CLSTN2: variants seen among roughly 807,000 people sequenced by gnomAD.
CLSTN2 encodes calsyntenin-2.
Under a neutral mutation model 101.2 loss-of-function variants are expected in CLSTN2, and 48 were observed. The observed-to-expected ratio is 0.47, with a 90% CI of 0.38 to 0.60. The LOEUF (loss-of-function observed/expected upper bound fraction) is 0.60, where lower values mean the gene tolerates loss of function less well. Among genes scored for constraint, CLSTN2 ranks in the 20% least tolerant of loss-of-function variants. The probability of loss-of-function intolerance (pLI) is 0.00; values close to 1 mark genes in which losing one functional copy is unlikely to be tolerated. For synonymous variants in CLSTN2, 481 were observed against 463.6 expected (o/e 1.04, Z -0.48); for missense variants, 1,160 against 1,238.2 (o/e 0.94, Z 0.95).
chr3:140,151,425 T>A (rs2009863799), intron 1 of CLSTN2, among the ~76,000 whole-genome samples: 1 of 151,848 alleles, frequency 6.6e-6, no homozygotes, highest in African/African-American at 2.4e-5. Flanking sequence ...CAGAAAAGAT[T>A]AGGCAATAAG....
At chr3:140,013,070 G>T (rs2007120814) in intron 1 of CLSTN2, among the ~76,000 whole-genome samples, 1 of 152,214 alleles carries the variant, frequency 6.6e-6, no homozygotes, top group African/African-American at 2.4e-5. Flanking sequence ...CTGCTCAATG[G>T]ATGGATGAGC....
intron 2 of CLSTN2, among the ~76,000 whole-genome samples, chr3:140,305,423 G>A (rs2087104135): frequency 6.6e-6 from 1 of 152,082 alleles, no homozygotes; most frequent in African/African-American, 2.4e-5. Flanking sequence ...TGGGGGTAAA[G>A]GCATTTCAAA....
chr3:140,244,373 A>G (rs1421479622), intron 2 of CLSTN2, among the ~76,000 whole-genome samples: 1 of 152,190 alleles, frequency 6.6e-6, no homozygotes, highest in Non-Finnish European at 1.5e-5. Flanking sequence ...ATTATGTAGT[A>G]TGGGACCCAC....
At chr3:140,315,561 C>T (rs2087220025) in intron 2 of CLSTN2, among the ~76,000 whole-genome samples, 1 of 152,154 alleles carries the variant, frequency 6.6e-6, no homozygotes, top group South Asian at 2.1e-4. Flanking sequence ...TTCTGCCTTC[C>T]ACGTGGGCCA....
At chr3:140,079,001 T>A (rs931850867) in intron 1 of CLSTN2, among the ~76,000 whole-genome samples, 4 of 152,200 alleles carry the variant, frequency 2.6e-5, no homozygotes, top group African/African-American at 4.8e-5. Flanking sequence ...TGGTTTTTGA[T>A]ATCAGAAAGA....
chr3:139,941,067 T>G (rs534676806), intron 1 of CLSTN2, among the ~76,000 whole-genome samples: 1 of 152,248 alleles, frequency 6.6e-6, no homozygotes, highest in African/African-American at 2.4e-5. Flanking sequence ...ATAATACATG[T>G]TTATATGGAA....
intron 2 of CLSTN2, among the ~76,000 whole-genome samples, chr3:140,212,515 A>T (rs2010870462): frequency 6.6e-6 from 1 of 152,154 alleles, no homozygotes; most frequent in Admixed American, 6.5e-5. Context: ...AACCACCCAA[A>T]GCCTCTCAGC....
chr3:140,428,366 G>T (rs551937292), intron 5 of CLSTN2, among the ~76,000 whole-genome samples: 102 of 151,488 alleles, frequency 6.7e-4, no homozygotes, highest in Non-Finnish European at 1.4e-3. Flanking sequence ...TTCATTATTT[G>T]TTCTGCTAGA....
At chr3:140,283,177 G>A (rs1188761746) in intron 2 of CLSTN2, among the ~76,000 whole-genome samples, 1 of 152,036 alleles carries the variant, frequency 6.6e-6, no homozygotes, top group Non-Finnish European at 1.5e-5. Flanking sequence ...AGACTAATAT[G>A]GCAAACTTTG....
At chr3:140,092,742 C>T (rs189441237) in intron 1 of CLSTN2, among the ~76,000 whole-genome samples, 113 of 152,260 alleles carry the variant, frequency 7.4e-4, no homozygotes, top group Admixed American at 1.0e-3. Flanking sequence ...CGAGGGAGTT[C>T]CACGAACAAT....
intron 1 of CLSTN2, among the ~76,000 whole-genome samples, chr3:140,127,626 C>T (rs1166439045): frequency 6.6e-6 from 1 of 152,100 alleles, no homozygotes; most frequent in Non-Finnish European, 1.5e-5. Context: ...AGCTCTTGGG[C>T]CCTTCCTAAG....
intron 8 of CLSTN2, among the ~76,000 whole-genome samples, chr3:140,529,371 G>A (rs920798021): frequency 6.6e-6 from 1 of 152,232 alleles, no homozygotes; most frequent in Non-Finnish European, 1.5e-5. Flanking sequence ...CTGGGGGATG[G>A]TGTCAGACAT....
At chr3:140,439,807 G>A (rs2088739686) in intron 5 of CLSTN2, among the ~76,000 whole-genome samples, 1 of 152,132 alleles carries the variant, frequency 6.6e-6, no homozygotes, top group African/African-American at 2.4e-5. Flanking sequence ...TTAATGCCTA[G>A]CAGCCTATCC....
intron 8 of CLSTN2, among the ~76,000 whole-genome samples, chr3:140,480,395 G>T (rs985643221): frequency 3.3e-5 from 5 of 152,014 alleles, no homozygotes; most frequent in African/African-American, 9.7e-5. Flanking sequence ...GAATAGTGCC[G>T]CAATAAACAT....
At chr3:140,493,832 C>T (rs995494222) in intron 8 of CLSTN2, among the ~76,000 whole-genome samples, 1 of 152,172 alleles carries the variant, frequency 6.6e-6, no homozygotes, top group African/African-American at 2.4e-5. Flanking sequence ...CCATACAGCT[C>T]ATTAACCGGT....
chr3:140,443,719 C>T (rs1275855816), intron 5 of CLSTN2, among the ~76,000 whole-genome samples: 3 of 152,214 alleles, frequency 2.0e-5, no homozygotes, highest in South Asian at 4.1e-4. Flanking sequence ...TTGAGACACT[C>T]CTGAACCAAT....
At chr3:140,188,815 C>T (rs774129352) in intron 2 of CLSTN2, among the ~76,000 whole-genome samples, 6 of 152,248 alleles carry the variant, frequency 3.9e-5, no homozygotes, top group East Asian at 1.9e-4. Context: ...GATAACATCA[C>T]GCAAAGCTAT....
At chr3:140,012,578 G>T (rs563541836) in intron 1 of CLSTN2, among the ~76,000 whole-genome samples, 28 of 152,274 alleles carry the variant, frequency 1.8e-4, no homozygotes, top group African/African-American at 6.7e-4. Flanking sequence ...GGGATGACCA[G>T]CAAAATCTTT....
At chr3:140,385,242 C>T (rs2088036673) in intron 2 of CLSTN2, among the ~76,000 whole-genome samples, 1 of 151,944 alleles carries the variant, frequency 6.6e-6, no homozygotes, top group Non-Finnish European at 1.5e-5. Flanking sequence ...CATAAGGTCT[C>T]ACACCTAAGA....
Sources: allele counts gnomAD v4.1 joint callset (sites outside exome capture counted in the v4.1 genomes callset), GRCh38; gene constraint gnomAD v4.1.1; transcripts MANE v1.5; gene names NCBI Gene and HGNC (gene_info 2026-07-23, HGNC 2026-07-21).